SDCCAG8: variants seen among roughly 807,000 people sequenced by gnomAD.
SDCCAG8 encodes SHH signaling and ciliogenesis regulator SDCCAG8, also known as serologically defined colon cancer antigen 8.
A neutral mutation model predicts 101.8 loss-of-function variants in SDCCAG8; 74 were observed. That is an observed-to-expected ratio of 0.73 (90% CI 0.60 to 0.88). The LOEUF is 0.88. SDCCAG8 is among the 40% of genes least tolerant of loss of function. SDCCAG8 has a pLI of 0.00. For missense variants in SDCCAG8, 787 were observed against 822.6 expected (o/e 0.96, Z 0.53); for synonymous variants, 281 against 292.9 (o/e 0.96, Z 0.41).
rs541024921 is a variant in SDCCAG8, at chr1:243,450,106, C to T, written c.1985+23548C>T. ...TTCCTATGGTAGACGTCTCTGTTTT[C>T]CAGCACTTAGAGCACTGTATTCATG... On this transcript the variant is annotated intron_variant, in intron 16 of 17. Coordinates refer to ENST00000366541, the MANE Select transcript of SDCCAG8 (RefSeq NM_006642.5). Among the ~76,000 whole-genome samples the T allele has an allele frequency of 7.6e-4, 116 of 152,258 alleles. 3 individuals are homozygous for T. The South Asian group carries it at 0.023, about 30-fold the overall frequency.
chr1:243,417,836 A>G (rs2080703192), intron 14 of SDCCAG8, 132 bp from the exon 15 acceptor site: 4 of 700,490 alleles, frequency 5.7e-6, no homozygotes, highest in Non-Finnish European at 1.0e-5. Flanking sequence ...TTGACTTAGG[A>G]CATTGAAGGT....
chr1:243,284,512 C>T (rs2069393877), intron 4 of SDCCAG8, among the ~76,000 whole-genome samples: 1 of 152,190 alleles, frequency 6.6e-6, no homozygotes, highest in Non-Finnish European at 1.5e-5. Flanking sequence ...AAAGCCTTTG[C>T]CTTGGGCTGT....
intron 16 of SDCCAG8, chr1:243,488,261 G>A (rs919434212): frequency 1.3e-5 from 2 of 152,462 alleles, no homozygotes; most frequent in Non-Finnish European, 2.9e-5. Flanking sequence ...TGCACCTTGA[G>A]CTTTAATGGC....
chr1:243,404,094 C>T (rs2079588073), intron 13 of SDCCAG8, among the ~76,000 whole-genome samples: 1 of 152,208 alleles, frequency 6.6e-6, no homozygotes, highest in Non-Finnish European at 1.5e-5. Context: ...TACAGATGCC[C>T]TGCTGGCAGT....
Position 243,370,590 on chromosome 1 carries a change from T to G in SDCCAG8, c.1474-8131T>G, listed in dbSNP as rs548806467. The stretch of plus-strand genomic sequence containing the variant: ...CAAAAAGTCTGCCGTATTGTCGCAA[T>G]GTAATACAGTCAGCTTTATATCAGA... On this transcript the variant is annotated intron_variant, in intron 12 of 17. Transcript: ENST00000366541. Among the ~76,000 whole-genome samples the G allele has an allele frequency of 1.0e-3, 153 of 152,242 alleles. 1 individual carries two copies. The highest frequency in any genetic ancestry group is 3.5e-3 in the African/African-American group (147 of 41,572).
intron 1 of SDCCAG8, among the ~76,000 whole-genome samples, chr1:243,262,716 G>A (rs575657241): frequency 7.3e-4 from 111 of 152,308 alleles, no homozygotes; most frequent in African/African-American, 2.5e-3. Context: ...CTCCTGGGAT[G>A]TTTAAAGACT....
At chr1:243,478,392 A>G (rs935102828) in intron 16 of SDCCAG8, among the ~76,000 whole-genome samples, 1 of 152,200 alleles carries the variant, frequency 6.6e-6, no homozygotes, top group Non-Finnish European at 1.5e-5. Context: ...GGTGCCTCTC[A>G]GCCCTAACAT....
At chr1:243,389,244 C>T (rs577505808) in intron 13 of SDCCAG8, among the ~76,000 whole-genome samples, 6 of 150,434 alleles carry the variant, frequency 4.0e-5, no homozygotes, top group African/African-American at 9.8e-5. Context: ...GTGAAGTGCA[C>T]ATTTTTGTCC....
intron 17 of SDCCAG8, among the ~76,000 whole-genome samples, chr1:243,490,188 C>T (rs1266832734): frequency 6.6e-6 from 1 of 152,256 alleles, no homozygotes. Context: ...TTTTCCCACT[C>T]GGTCCAAAAT....
At chr1:243,415,124 G>C (rs1457683128) in intron 13 of SDCCAG8, among the ~76,000 whole-genome samples, 1 of 152,118 alleles carries the variant, frequency 6.6e-6, no homozygotes, top group African/African-American at 2.4e-5. Flanking sequence ...AGTGCTGGGG[G>C]AAGTTATTCG....
At chr1:243,419,840 A>T (rs1468445987) in intron 15 of SDCCAG8, among the ~76,000 whole-genome samples, 1 of 152,222 alleles carries the variant, frequency 6.6e-6, no homozygotes, top group Admixed American at 6.5e-5. Context: ...CGTCCTTGGC[A>T]TGTAACGGTT....
At chr1:243,264,078 T>C (rs2067396721) in intron 1 of SDCCAG8, among the ~76,000 whole-genome samples, 1 of 152,208 alleles carries the variant, frequency 6.6e-6, no homozygotes, top group South Asian at 2.1e-4. Context: ...GCATATTCTC[T>C]CAGAGACAGC....
chr1:243,353,232 T>C (rs949756198), intron 12 of SDCCAG8, among the ~76,000 whole-genome samples: 1 of 151,880 alleles, frequency 6.6e-6, no homozygotes, highest in Admixed American at 6.6e-5. Context: ...GGCTCATGCC[T>C]GTAATCCCAG....
chr1:243,395,084 C>T (rs968920002), intron 13 of SDCCAG8, among the ~76,000 whole-genome samples: 1 of 152,076 alleles, frequency 6.6e-6, no homozygotes, highest in African/African-American at 2.4e-5. Flanking sequence ...ATCGCATTTA[C>T]GTGTCTGTGT....
At chr1:243,396,015 G>A (rs1456166216) in intron 13 of SDCCAG8, among the ~76,000 whole-genome samples, 2 of 152,002 alleles carry the variant, frequency 1.3e-5, no homozygotes, top group Non-Finnish European at 2.9e-5. Flanking sequence ...TTAGGTTCAC[G>A]TTTAAGTTCA....
intron 17 of SDCCAG8, among the ~76,000 whole-genome samples, chr1:243,492,246 G>A (rs571889861): frequency 9.2e-5 from 14 of 151,614 alleles, no homozygotes; most frequent in South Asian, 2.1e-4. Context: ...CGCTGTCTGC[G>A]GTGGGCAGGA....
At chr1:243,465,495 A>G (rs1659946195) in intron 16 of SDCCAG8, among the ~76,000 whole-genome samples, 1 of 152,378 alleles carries the variant, frequency 6.6e-6, no homozygotes, top group South Asian at 2.1e-4. Flanking sequence ...ATATTCAAAA[A>G]GTTTAGTCCT....
rs188708505 is a variant in SDCCAG8 at position 243,386,329 on chromosome 1, A to G, written c.1616+7466A>G. Among the ~76,000 whole-genome samples the G allele has an allele frequency of 1.7e-3, 265 of 152,342 alleles. 2 individuals carry two copies. Among genetic ancestry groups the G allele is most frequent in the African/African-American group, 5.7e-3 (237 of 41,570 alleles). ...AAGCTGTAATTCTATGTAAATTACT[A>G]GAGAAATGGATTAATGCAGTTGTTC... On this transcript the variant is annotated intron_variant, in intron 13 of 17. Coordinates refer to ENST00000366541, the MANE Select transcript of SDCCAG8 (RefSeq NM_006642.5).
At chr1:243,370,050 G>A (rs2077201323) in intron 12 of SDCCAG8, among the ~76,000 whole-genome samples, 1 of 151,904 alleles carries the variant, frequency 6.6e-6, no homozygotes, top group East Asian at 1.9e-4. Flanking sequence ...GCAATGCATC[G>A]TTTGAAAAAT....
Sources: allele counts gnomAD v4.1 joint callset (sites outside exome capture counted in the v4.1 genomes callset), GRCh38; gene constraint gnomAD v4.1.1; transcripts MANE v1.5; gene names NCBI Gene and HGNC (gene_info 2026-07-23, HGNC 2026-07-21).